SLC12A8: variants seen among roughly 807,000 people sequenced by gnomAD.
SLC12A8 encodes cation-chloride cotransporter 9.
SLC12A8 carries 69 observed loss-of-function variants against 75.6 expected under a neutral mutation model. That is an observed-to-expected ratio of 0.91 (90% CI 0.75 to 1.11). The LOEUF is 1.11. Among genes scored for constraint, SLC12A8 ranks in the 50% most tolerant of loss-of-function variants. The pLI is 0.00. For missense variants in SLC12A8, 877 were observed against 896.7 expected (o/e 0.98, Z 0.28); for synonymous variants, 365 against 372.8 (o/e 0.98, Z 0.24).
intron 13 of SLC12A8, among the ~76,000 whole-genome samples, chr3:125,085,214 G>A (rs891771527): frequency 2.0e-5 from 3 of 152,210 alleles, no homozygotes; most frequent in Non-Finnish European, 2.9e-5. Flanking sequence ...CAGTCAACAT[G>A]TAAGTGTTTT....
At chr3:125,158,298 A>G (rs4513405) in intron 5 of SLC12A8, among the ~76,000 whole-genome samples, 1,871 of 151,262 alleles carry the variant, frequency 0.012, 37 homozygotes, top group African/African-American at 0.042. Flanking sequence ...TTGGCTCATT[A>G]CAGCTCCTGC....
chr3:125,208,824 A>AGAGAGAGAGAGAGAGAGAGAGAGC (rs144988140), intron 2 of SLC12A8, among the ~76,000 whole-genome samples: 1 of 127,480 alleles, frequency 7.8e-6, no homozygotes, highest in African/African-American at 3.2e-5. Context: ...AGAGAGAGAG[A>AGAGAGAGAGAGAGAGAGAGAGAGC]GCTACCCTAT....
intron 2 of SLC12A8, among the ~76,000 whole-genome samples, chr3:125,211,050 T>C (rs1247666081): frequency 6.6e-6 from 1 of 152,220 alleles, no homozygotes; most frequent in Non-Finnish European, 1.5e-5. Context: ...GGATGGAGTT[T>C]GGAGTTGTGG....
intron 6 of SLC12A8, among the ~76,000 whole-genome samples, chr3:125,132,483 G>C (rs1933384347): frequency 6.6e-6 from 1 of 152,174 alleles, no homozygotes; most frequent in Non-Finnish European, 1.5e-5. Context: ...GCAACTCTTA[G>C]GAGGTAAAAT....
At position 125,185,188 on chromosome 3, in the gene SLC12A8, C is replaced by T. The variant is rs537871758; in HGVS notation, c.390+2049G>A. Among the ~76,000 whole-genome samples, 47 of 152,102 alleles carry T rather than the reference C, an allele frequency of 3.1e-4. No homozygotes were observed. In the South Asian group the frequency reaches 7.1e-3, roughly 23 times the overall value. ...ATACAAAGTTAGCCGGGTGTGGTGG[C>T]GCATGCCTGTAACCCCAGCTACTCG... On this transcript the variant is annotated intron_variant, in intron 4 of 13. Coordinates refer to ENST00000469902, the MANE Select transcript of SLC12A8 (RefSeq NM_024628.6).
chr3:125,153,796 T>C (rs1933987577), intron 5 of SLC12A8, among the ~76,000 whole-genome samples: 1 of 152,186 alleles, frequency 6.6e-6, no homozygotes, highest in South Asian at 2.1e-4. Flanking sequence ...ATAAAATGCC[T>C]ATGTGACGAG....
intron 5 of SLC12A8, among the ~76,000 whole-genome samples, chr3:125,141,978 A>G (rs570569370): frequency 5.9e-5 from 9 of 152,210 alleles, no homozygotes; most frequent in African/African-American, 1.7e-4. Context: ...CGTCGGGGGA[A>G]GTGGTAGGCC....
At chr3:125,103,029 A>C (rs1938923388) in intron 10 of SLC12A8, among the ~76,000 whole-genome samples, 1 of 152,174 alleles carries the variant, frequency 6.6e-6, no homozygotes, top group Non-Finnish European at 1.5e-5. Context: ...TTCTCTGCCT[A>C]TGAAGCCAAG....
intron 5 of SLC12A8, among the ~76,000 whole-genome samples, chr3:125,149,619 G>A (rs1933869447): frequency 6.6e-6 from 1 of 152,124 alleles, no homozygotes; most frequent in Non-Finnish European, 1.5e-5. Flanking sequence ...CATAAAATAA[G>A]TGGAATATTG....
At chr3:125,133,903 C>T (rs1342095666) in intron 6 of SLC12A8, among the ~76,000 whole-genome samples, 1 of 152,110 alleles carries the variant, frequency 6.6e-6, no homozygotes, top group Non-Finnish European at 1.5e-5. Flanking sequence ...CCCAAAGTTT[C>T]CTTCTGCACT....
intron 8 of SLC12A8, 162 bp from the exon 9 acceptor site, chr3:125,110,497 T>G: frequency 1.7e-6 from 1 of 588,070 alleles, no homozygotes; most frequent in Non-Finnish European, 2.9e-6. Context: ...CCCCCATTCA[T>G]TCCATGGTTT....
intron 10 of SLC12A8, among the ~76,000 whole-genome samples, chr3:125,096,705 A>G (rs1239209531): frequency 6.6e-6 from 1 of 152,236 alleles, no homozygotes; most frequent in Non-Finnish European, 1.5e-5. Flanking sequence ...TCTCCTTAAT[A>G]ATTATGGATT....
intron 4 of SLC12A8, among the ~76,000 whole-genome samples, chr3:125,182,405 G>A (rs1271569128): frequency 6.6e-6 from 1 of 151,946 alleles, no homozygotes; most frequent in Non-Finnish European, 1.5e-5. Flanking sequence ...ACGATATTAA[G>A]TAACCATTTA....
At chr3:125,119,798 A>G (rs1933000810) in intron 7 of SLC12A8, 1 of 455,150 alleles carries the variant, frequency 2.2e-6, no homozygotes, top group Non-Finnish European at 4.4e-6. Flanking sequence ...GGTTAGAATA[A>G]CACAGGCCCT....
chr3:125,132,069 G>A (rs896720111), intron 6 of SLC12A8, among the ~76,000 whole-genome samples: 8 of 152,170 alleles, frequency 5.3e-5, no homozygotes, highest in African/African-American at 1.9e-4. Flanking sequence ...CAATGGGAAG[G>A]CCTGGTTCTG....
intron 10 of SLC12A8, among the ~76,000 whole-genome samples, chr3:125,099,962 A>G (rs1013455456): frequency 1.3e-5 from 2 of 152,218 alleles, no homozygotes; most frequent in Admixed American, 6.5e-5. Flanking sequence ...AAACTATAAA[A>G]AAGAACCAAA....
chr3:125,198,936 C>A (rs1261354913), intron 2 of SLC12A8, among the ~76,000 whole-genome samples: 5 of 151,770 alleles, frequency 3.3e-5, no homozygotes, highest in Non-Finnish European at 7.4e-5. Context: ...CGCCACCACG[C>A]CCGGCTAATT....
At chr3:125,185,359 T>TA (rs200494148) in intron 4 of SLC12A8, among the ~76,000 whole-genome samples, 227 of 127,074 alleles carry the variant, frequency 1.8e-3, no homozygotes, top group Admixed American at 2.6e-3. Flanking sequence ...ATTCCCAGAT[T>TA]AAAAAAAAAA....
intron 4 of SLC12A8, among the ~76,000 whole-genome samples, chr3:125,186,887 G>A (rs77036479): frequency 0.015 from 2,307 of 152,330 alleles, 23 homozygotes; most frequent in Non-Finnish European, 0.021. Context: ...AGCGTCCCAG[G>A]GCCCAGGCCA....
Sources: gnomAD v4.1 joint callset for allele counts (sites outside exome capture counted in the v4.1 genomes callset) on GRCh38, gnomAD v4.1.1 for gene constraint, MANE v1.5 for transcripts, NCBI Gene and HGNC (gene_info 2026-07-23, HGNC 2026-07-21) for gene names.